Variants in RBFOX1 observed in about 807,000 individuals in gnomAD.
RBFOX1 encodes RNA binding protein fox-1 homolog 1.
Under a neutral mutation model 57.7 loss-of-function variants are expected in RBFOX1, and 8 were observed. The ratio of observed to expected loss-of-function variants is 0.14; its 90% CI spans 0.08 to 0.25. RBFOX1 has a LOEUF of 0.25. Ranked by LOEUF, RBFOX1 falls within the 10% of genes least tolerant of loss-of-function variation. The pLI is 1.00. For synonymous variants in RBFOX1, 326 were observed against 222.4 expected (o/e 1.47, Z -4.15); for missense variants, 611 against 548.5 (o/e 1.11, Z -1.14).
Position 6,741,493 on chromosome 16 carries a change from G to A in RBFOX1, c.-16+86843G>A, listed in dbSNP as rs145072424. Among the ~76,000 whole-genome samples, 399 of 152,000 alleles carry A rather than the reference G, an allele frequency of 2.6e-3. 5 individuals carry two copies. Among genetic ancestry groups the A allele is most frequent in the African/African-American group, 9.2e-3 (380 of 41,462 alleles). ...AGCCTGGCTAACATGGCGAAACCCT[G>A]TCTGTATTAAAAGTACAAATTTTAG... is the stretch of plus-strand genomic sequence containing the variant. On this transcript the variant is annotated intron_variant, in intron 3 of 15. Transcript: ENST00000550418.
chr16:6,288,275 G>A (rs1282048842), intron 1 of RBFOX1, among the ~76,000 whole-genome samples: 3 of 152,150 alleles, frequency 2.0e-5, no homozygotes, highest in African/African-American at 7.2e-5. Context: ...GTTATGTTGT[G>A]CATATGAGTC....
At chr16:5,766,242 C>G (rs1445674488) in intron 3 of RBFOX1, among the ~76,000 whole-genome samples, 1 of 152,136 alleles carries the variant, frequency 6.6e-6, no homozygotes, top group African/African-American at 2.4e-5. Context: ...GGGCGTCTCA[C>G]ATGGCCACAG....
intron 1 of RBFOX1, among the ~76,000 whole-genome samples, chr16:5,321,962 C>G (rs1196242185): frequency 6.6e-6 from 1 of 152,164 alleles, no homozygotes; most frequent in Non-Finnish European, 1.5e-5. Flanking sequence ...CCTTTACAGA[C>G]TCCCTCTCGT....
chr16:5,859,802 A>G (rs2151884043), intron 3 of RBFOX1, among the ~76,000 whole-genome samples: 1 of 152,380 alleles, frequency 6.6e-6, no homozygotes, highest in East Asian at 1.9e-4. Flanking sequence ...GTCATGTAAC[A>G]GAATATCCCT....
chr16:5,671,431 T>C (rs2050009282), intron 3 of RBFOX1, among the ~76,000 whole-genome samples: 1 of 152,198 alleles, frequency 6.6e-6, no homozygotes, highest in Admixed American at 6.5e-5. Flanking sequence ...GTGCTGGAGA[T>C]TAACACTGAT....
intron 13 of RBFOX1, among the ~76,000 whole-genome samples, chr16:7,672,016 T>C (rs1271144376): frequency 6.6e-6 from 1 of 152,224 alleles, no homozygotes. Flanking sequence ...GATAATTTTT[T>C]AGTAGGTTCC....
chr16:5,562,091 G>T (rs1156510396), intron 2 of RBFOX1, among the ~76,000 whole-genome samples: 2 of 152,084 alleles, frequency 1.3e-5, no homozygotes, highest in African/African-American at 4.8e-5. Context: ...CACTCATTTT[G>T]TCTCTAGCTT....
chr16:7,272,789 C>A (rs903769278), intron 4 of RBFOX1, among the ~76,000 whole-genome samples: 6 of 152,124 alleles, frequency 3.9e-5, no homozygotes, highest in Non-Finnish European at 7.4e-5. Flanking sequence ...GTATTCTTTT[C>A]ACAGAACCAG....
At chr16:6,347,256 T>C (rs1389877640) in intron 2 of RBFOX1, among the ~76,000 whole-genome samples, 1 of 152,202 alleles carries the variant, frequency 6.6e-6, no homozygotes. Flanking sequence ...CATGGTAATG[T>C]AGACAGTGAA....
intron 4 of RBFOX1, among the ~76,000 whole-genome samples, chr16:7,129,912 TGGAACCCTGC>T (rs1359305908): frequency 6.6e-6 from 1 of 152,044 alleles, no homozygotes; most frequent in Non-Finnish European, 1.5e-5. Flanking sequence ...AGATGATAAG[TGGAACCCTGC>T]TTTGTTTTCC....
At chr16:6,521,523 C>T (rs944576828) in intron 2 of RBFOX1, among the ~76,000 whole-genome samples, 1 of 146,584 alleles carries the variant, frequency 6.8e-6, no homozygotes, top group African/African-American at 2.6e-5. Context: ...TCGCTTTTCC[C>T]TCCCTCCTTC....
chr16:7,264,257 G>A (rs1309494971), intron 4 of RBFOX1, among the ~76,000 whole-genome samples: 1 of 152,188 alleles, frequency 6.6e-6, no homozygotes. Context: ...GAACTGGACA[G>A]AAGAAAAAAC....
chr16:6,875,860 T>C (rs1234753375), intron 3 of RBFOX1, among the ~76,000 whole-genome samples: 1 of 152,032 alleles, frequency 6.6e-6, no homozygotes, highest in Non-Finnish European at 1.5e-5. Flanking sequence ...TAGCCAGTCA[T>C]GGTGGTCCAT....
At chr16:5,491,872 A>G (rs2042842560) in intron 2 of RBFOX1, among the ~76,000 whole-genome samples, 1 of 152,240 alleles carries the variant, frequency 6.6e-6, no homozygotes, top group African/African-American at 2.4e-5. Flanking sequence ...AACAGGTAAC[A>G]ACAGACAAAC....
At chr16:7,142,308 G>C (rs1416463820) in intron 4 of RBFOX1, among the ~76,000 whole-genome samples, 1 of 152,082 alleles carries the variant, frequency 6.6e-6, no homozygotes, top group Non-Finnish European at 1.5e-5. Context: ...ATGGACATGA[G>C]CCACCACACC....
At chr16:6,159,182 C>G (rs1307414410) in intron 1 of RBFOX1, among the ~76,000 whole-genome samples, 3 of 152,214 alleles carry the variant, frequency 2.0e-5, no homozygotes, top group Non-Finnish European at 4.4e-5. Flanking sequence ...GTTCAAGCGA[C>G]TCTCCTGCCT....
rs200251675 is a variant in RBFOX1, at chr16:6,459,362, G to A, written c.-64+142305G>A. On this transcript the variant is annotated intron_variant, in intron 2 of 15. Transcript: ENST00000550418. ...TTTTCTTTATTCAGGATACTCACTC[G>A]GCTTACCATGCCATCCTTTCAAAAG... 2.8e-4 allele frequency among the ~76,000 whole-genome samples: 42 copies of A among 152,158 alleles called. 1 individual carries two copies. In the East Asian group the frequency reaches 6.2e-3, roughly 23 times the overall value.
intron 3 of RBFOX1, among the ~76,000 whole-genome samples, chr16:6,686,562 C>G (rs969903442): frequency 6.6e-6 from 1 of 152,174 alleles, no homozygotes; most frequent in Non-Finnish European, 1.5e-5. Flanking sequence ...TTCTCAGTTG[C>G]TAAAGGGGTG....
intron 3 of RBFOX1, among the ~76,000 whole-genome samples, chr16:5,616,967 C>A (rs2048046418): frequency 6.8e-6 from 1 of 146,878 alleles, no homozygotes; most frequent in African/African-American, 2.5e-5. Context: ...ATTGGCAGTA[C>A]CCTTATTTGT....
Sources: allele counts gnomAD v4.1 joint callset (sites outside exome capture counted in the v4.1 genomes callset), GRCh38; gene constraint gnomAD v4.1.1; transcripts MANE v1.5; gene names NCBI Gene and HGNC (gene_info 2026-07-23, HGNC 2026-07-21).